Variants in FSTL5 observed in about 807,000 individuals in gnomAD.
The protein encoded by FSTL5 is follistatin like 5, also known as follistatin-related protein 5.
A neutral mutation model predicts 89.1 loss-of-function variants in FSTL5; 62 were observed. That is an observed-to-expected ratio of 0.70 (90% CI 0.57 to 0.86). The LOEUF is 0.86. Ranked by LOEUF, FSTL5 falls within the 40% of genes least tolerant of loss-of-function variation. The pLI is 0.00. For synonymous variants in FSTL5, 383 were observed against 346.2 expected, an observed-to-expected ratio of 1.11 and a Z score of -1.18; for missense variants, 1,057 against 1,001.6, an observed-to-expected ratio of 1.06 and a Z score of -0.75.
chr4:161,626,785 A>G (rs1735331247), intron 7 of FSTL5, among the ~76,000 whole-genome samples: 1 of 152,220 alleles, frequency 6.6e-6, no homozygotes, highest in Non-Finnish European at 1.5e-5. Flanking sequence ...CAGAAGGTCA[A>G]ACATTTATAT....
At chr4:162,067,513 C>A (rs1738959208) in intron 2 of FSTL5, among the ~76,000 whole-genome samples, 1 of 151,964 alleles carries the variant, frequency 6.6e-6, no homozygotes, top group Non-Finnish European at 1.5e-5. Context: ...AATGGGATTG[C>A]TGGGTCAACT....
intron 11 of FSTL5, among the ~76,000 whole-genome samples, chr4:161,504,465 G>A (rs965672396): frequency 2.1e-5 from 3 of 144,684 alleles, no homozygotes; most frequent in African/African-American, 2.6e-5. Context: ...TGTGCAGATT[G>A]TTTTTCGTTT....
At chr4:161,721,578 G>T (rs1159745720) in intron 6 of FSTL5, among the ~76,000 whole-genome samples, 1 of 152,088 alleles carries the variant, frequency 6.6e-6, no homozygotes, top group Non-Finnish European at 1.5e-5. Context: ...CTCAGATTGA[G>T]GCAGAAAGTA....
chr4:161,656,854 T>C (rs1467289305), intron 6 of FSTL5, among the ~76,000 whole-genome samples: 1 of 151,726 alleles, frequency 6.6e-6, no homozygotes, highest in African/African-American at 2.4e-5. Context: ...TATTCACTGA[T>C]AGATTTATAC....
chr4:162,126,353 T>C (rs910705655), intron 1 of FSTL5, among the ~76,000 whole-genome samples: 1 of 152,096 alleles, frequency 6.6e-6, no homozygotes, highest in African/African-American at 2.4e-5. Flanking sequence ...TGTGAATAAT[T>C]CTAGAACTTT....
At chr4:161,404,676 A>T (rs996350239) in intron 15 of FSTL5, among the ~76,000 whole-genome samples, 2 of 152,074 alleles carry the variant, frequency 1.3e-5, no homozygotes, top group Admixed American at 1.3e-4. Context: ...AATAAAAAAA[A>T]ATTTTCAAAA....
intron 6 of FSTL5, among the ~76,000 whole-genome samples, chr4:161,677,601 A>G (rs1188925076): frequency 1.3e-5 from 2 of 152,008 alleles, no homozygotes; most frequent in Non-Finnish European, 2.9e-5. Context: ...GAGGATATCA[A>G]TACTAAACTC....
chr4:161,671,985 C>G (rs1243283637), intron 6 of FSTL5, among the ~76,000 whole-genome samples: 4 of 152,282 alleles, frequency 2.6e-5, no homozygotes, highest in Admixed American at 2.0e-4. Flanking sequence ...ATTCACAGTA[C>G]TAATCTGTGA....
chr4:161,870,200 C>T (rs1279787060), intron 4 of FSTL5, among the ~76,000 whole-genome samples: 2 of 152,134 alleles, frequency 1.3e-5, no homozygotes, highest in Admixed American at 1.3e-4. Flanking sequence ...GTGCATAACA[C>T]AGTATATGGC....
chr4:161,913,520 G>A (rs1733756597), intron 4 of FSTL5, among the ~76,000 whole-genome samples: 1 of 152,146 alleles, frequency 6.6e-6, no homozygotes, highest in Non-Finnish European at 1.5e-5. Context: ...TTGATGTTTG[G>A]GAACCTCCAC....
intron 3 of FSTL5, chr4:162,032,691 T>C (rs1185359433): frequency 6.6e-6 from 1 of 152,196 alleles, no homozygotes; most frequent in Non-Finnish European, 1.5e-5. Context: ...ATAAGCAAGA[T>C]TGTATCAACA....
intron 8 of FSTL5, among the ~76,000 whole-genome samples, chr4:161,585,696 TC>T (rs2126605031): frequency 6.6e-6 from 1 of 151,716 alleles, no homozygotes; most frequent in South Asian, 2.1e-4. Flanking sequence ...AAGAACAATT[TC>T]CCCATGGATG....
intron 15 of FSTL5, among the ~76,000 whole-genome samples, chr4:161,431,234 A>G (rs1732355566): frequency 6.6e-6 from 1 of 152,148 alleles, no homozygotes; most frequent in Non-Finnish European, 1.5e-5. Flanking sequence ...TCAAAATAAT[A>G]AGCACAACAA....
intron 3 of FSTL5, among the ~76,000 whole-genome samples, chr4:162,011,876 T>C (rs558024161): frequency 6.6e-6 from 1 of 152,294 alleles, no homozygotes; most frequent in African/African-American, 2.4e-5. Flanking sequence ...TCTCATTCAT[T>C]TGAAAGCCTT....
intron 3 of FSTL5, among the ~76,000 whole-genome samples, chr4:162,023,402 T>C (rs1465211600): frequency 1.3e-5 from 2 of 152,178 alleles, no homozygotes. Context: ...GTCTGGTTTT[T>C]ATATGTGCCT....
chr4:161,800,157 C>T (rs2126828378), intron 4 of FSTL5, among the ~76,000 whole-genome samples: 1 of 151,710 alleles, frequency 6.6e-6, no homozygotes, highest in Non-Finnish European at 1.5e-5. Flanking sequence ...CATATGTAGT[C>T]TCTGAGGAAC....
chr4:161,702,823 T>G (rs935399132), intron 6 of FSTL5, among the ~76,000 whole-genome samples: 1 of 152,052 alleles, frequency 6.6e-6, no homozygotes, highest in African/African-American at 2.4e-5. Flanking sequence ...CTCTTCCCAC[T>G]CAAAAAACAA....
chr4:161,680,484 T>C (rs1376337337), intron 6 of FSTL5, among the ~76,000 whole-genome samples: 3 of 151,992 alleles, frequency 2.0e-5, no homozygotes, highest in Non-Finnish European at 4.4e-5. Context: ...GCACTTGAGA[T>C]AAAGTGACAA....
At position 161,412,947 on chromosome 4, in the gene FSTL5, C is replaced by T. The variant is rs192975504; in HGVS notation, c.1842-26498G>A. On this transcript the variant is annotated intron_variant, in intron 15 of 15. Transcript: ENST00000306100. Reference sequence around the variant, plus strand: ...ATGGATCAAAGATTTAAATGTAAGGCCTCAAATTATTAAAATCCTGGACAA... The same window carrying T: ...ATGGATCAAAGATTTAAATGTAAGGTCTCAAATTATTAAAATCCTGGACAA... 2.0e-5 allele frequency among the ~76,000 whole-genome samples: 3 copies of T among 152,134 alleles called. 1 individual carries two copies. In the East Asian group the frequency reaches 5.8e-4, roughly 29 times the overall value.
Sources: gnomAD v4.1 joint callset for allele counts (sites outside exome capture counted in the v4.1 genomes callset) on GRCh38, gnomAD v4.1.1 for gene constraint, MANE v1.5 for transcripts, NCBI Gene and HGNC (gene_info 2026-07-23, HGNC 2026-07-21) for gene names.